Variants in GPD2 observed in about 807,000 individuals in gnomAD.
GPD2 encodes the protein glycerol-3-phosphate dehydrogenase, mitochondrial.
In GPD2, 54 loss-of-function variants were observed where a neutral mutation model predicts 82.4. The observed-to-expected ratio is 0.66, with a 90% CI of 0.53 to 0.82. GPD2 has a LOEUF of 0.82. Ranked by LOEUF, GPD2 falls within the 40% of genes least tolerant of loss-of-function variation. The pLI is 0.00. For synonymous variants in GPD2, 288 were observed against 306.1 expected, an observed-to-expected ratio of 0.94 and a Z score of 0.62; for missense variants, 748 against 896.2, an observed-to-expected ratio of 0.83 and a Z score of 2.11.
intron 1 of GPD2, among the ~76,000 whole-genome samples, chr2:156,453,437 G>T (rs1198408398): frequency 6.6e-6 from 1 of 152,170 alleles, no homozygotes; most frequent in Non-Finnish European, 1.5e-5. Context: ...AGAAAGAGAA[G>T]GTGGTGTTTA....
chr2:156,536,311 A>G (rs1264966632), intron 6 of GPD2, among the ~76,000 whole-genome samples: 2 of 152,232 alleles, frequency 1.3e-5, no homozygotes, highest in African/African-American at 4.8e-5. Flanking sequence ...GTAATGTATT[A>G]TAATTTTGCC....
intron 2 of GPD2, chr2:156,495,667 C>A: frequency 2.3e-6 from 1 of 434,460 alleles, no homozygotes; most frequent in South Asian, 1.8e-5. Context: ...TTTAATATGT[C>A]ATCTGAATGA....
At chr2:156,478,633 G>A (rs1359538272) in intron 2 of GPD2, among the ~76,000 whole-genome samples, 1 of 152,012 alleles carries the variant, frequency 6.6e-6, no homozygotes, top group Non-Finnish European at 1.5e-5. Context: ...CTGCCAATAA[G>A]AGCCATTCTA....
At chr2:156,520,875 C>T (rs1685382139) in intron 6 of GPD2, among the ~76,000 whole-genome samples, 1 of 152,164 alleles carries the variant, frequency 6.6e-6, no homozygotes, top group Admixed American at 6.5e-5. Flanking sequence ...CGTGAGCCAC[C>T]ATGCCCGGCT....
At chr2:156,526,594 T>C (rs959178395) in intron 6 of GPD2, among the ~76,000 whole-genome samples, 4 of 19,240 alleles carry the variant, frequency 2.1e-4, no homozygotes, top group Non-Finnish European at 4.8e-4. Context: ...ATAAAGCTAA[T>C]TAATTGTAGT....
chr2:156,483,771 T>G (rs1683824553), intron 2 of GPD2, among the ~76,000 whole-genome samples: 5 of 152,214 alleles, frequency 3.3e-5, no homozygotes. Context: ...ACATTCCACC[T>G]TAGCATTGCT....
the GPD2 span, among the ~76,000 whole-genome samples, chr2:156,410,989 A>G: frequency 0.013 from 1,913 of 152,316 alleles, 46 homozygotes; most frequent in African/African-American, 0.044. Flanking sequence ...TATTTTCCCC[A>G]CTTCTAAGAC....
At chr2:156,542,555 T>C (rs949333715) in intron 6 of GPD2, among the ~76,000 whole-genome samples, 2 of 152,156 alleles carry the variant, frequency 1.3e-5, no homozygotes, top group Non-Finnish European at 2.9e-5. Flanking sequence ...CTGATAAATA[T>C]ACATAAAACA....
chr2:156,578,565 G>A (rs80080064), intron 13 of GPD2, among the ~76,000 whole-genome samples: 5,133 of 152,228 alleles, frequency 0.034, 297 homozygotes, highest in African/African-American at 0.12. Context: ...GAAACCTTTT[G>A]TAAGAAATTC....
chr2:156,561,268 G>A (rs748033987), intron 9 of GPD2, among the ~76,000 whole-genome samples: 4 of 151,686 alleles, frequency 2.6e-5, no homozygotes, highest in African/African-American at 4.8e-5. Context: ...GGCTGGTCTC[G>A]AACTCCTGAC....
chr2:156,507,427 A>T lies in GPD2; in HGVS notation c.275-3369A>T, dbSNP rs146787879. ...ACTTCTGTCTTTTGGGCTCAAGCCG[A>T]TTCTCCCACCTCAGCCTCCCAAGTA... On this transcript the variant is annotated intron_variant, in intron 3 of 16. Coordinates refer to ENST00000438166, the MANE Select transcript of GPD2 (RefSeq NM_000408.5). Among the ~76,000 whole-genome samples the T allele has an allele frequency of 4.2e-3, 641 of 151,758 alleles. 1 individual carries two copies. The highest frequency in any genetic ancestry group is 0.015 in the African/African-American group (607 of 41,346).
rs1387821550 is a variant in GPD2 at position 156,451,512 on chromosome 2, G to T, written c.-9+14999G>T. Among the ~76,000 whole-genome samples the T allele has an allele frequency of 6.7e-3, 160 of 24,034 alleles. 18 individuals are homozygous for T. Among genetic ancestry groups the T allele is most frequent in the East Asian group, 0.04 (10 of 250 alleles). The allele number at this position is 24,034 out of a possible 152,430, so 15.8% of individuals were successfully genotyped here. A position where few individuals can be genotyped will look rare whatever the true frequency, so the allele number is the denominator to read the frequency against. On this transcript the variant is annotated intron_variant, in intron 1 of 16. Transcript: ENST00000438166. ...TCCCGGAAGGGGCGGCTGGCCGAGC[G>T]GGGGGGCTGACCCCCCCACCTCCCT...
the GPD2 span, among the ~76,000 whole-genome samples, chr2:156,416,173 CATAT>C: frequency 6.7e-6 from 1 of 149,860 alleles, no homozygotes; most frequent in Non-Finnish European, 1.5e-5. Context: ...GTTGTATATA[CATAT>C]ATATATATAT....
chr2:156,471,895 G>A (rs1683342358), intron 1 of GPD2, among the ~76,000 whole-genome samples: 1 of 152,164 alleles, frequency 6.6e-6, no homozygotes, highest in South Asian at 2.1e-4. Flanking sequence ...ATTTAGTTGA[G>A]CACCATTTGT....
intron 1 of GPD2, among the ~76,000 whole-genome samples, chr2:156,465,051 A>G (rs1414152249): frequency 5.9e-5 from 9 of 152,072 alleles, no homozygotes; most frequent in Non-Finnish European, 1.3e-4. Context: ...GGGCTTCACC[A>G]TGTTGGCCAG....
At chr2:156,555,895 C>G (rs1262356654) in intron 8 of GPD2, among the ~76,000 whole-genome samples, 2 of 152,154 alleles carry the variant, frequency 1.3e-5, no homozygotes, top group Admixed American at 6.6e-5. Flanking sequence ...TCTACCTACT[C>G]TCTCCGATGT....
chr2:156,459,971 G>A (rs1196086590), intron 1 of GPD2, among the ~76,000 whole-genome samples: 1 of 152,168 alleles, frequency 6.6e-6, no homozygotes, highest in African/African-American at 2.4e-5. Context: ...TCATTGGACT[G>A]ATACTGAACC....
chr2:156,447,575 T>G (rs1233921974), intron 1 of GPD2, among the ~76,000 whole-genome samples: 1 of 152,160 alleles, frequency 6.6e-6, no homozygotes, highest in African/African-American at 2.4e-5. Flanking sequence ...GCTTGAGCGA[T>G]TCTCCCTCCT....
chr2:156,463,837 CTATT>C (rs1435197909), intron 1 of GPD2, among the ~76,000 whole-genome samples: 3 of 152,132 alleles, frequency 2.0e-5, no homozygotes, highest in African/African-American at 7.2e-5. Context: ...TTTATTTTCT[CTATT>C]TATGCTATTT....
Sources: allele counts gnomAD v4.1 joint callset (sites outside exome capture counted in the v4.1 genomes callset), GRCh38; gene constraint gnomAD v4.1.1; transcripts MANE v1.5; gene names NCBI Gene and HGNC (gene_info 2026-07-23, HGNC 2026-07-21).